CECR2: variants seen among roughly 807,000 people sequenced by gnomAD.
CECR2 encodes the protein CECR2 histone acetyl-lysine reader, also known as chromatin remodeling regulator CECR2.
CECR2 carries 30 observed loss-of-function variants against 154.5 expected under a neutral mutation model. That is an observed-to-expected ratio of 0.19 (90% CI 0.15 to 0.26). The LOEUF (loss-of-function observed/expected upper bound fraction) is 0.26. Among genes scored for constraint, CECR2 ranks in the 10% least tolerant of loss-of-function variants. CECR2 has a pLI of 1.00. For missense variants in CECR2, 1,743 were observed against 1,829.3 expected (o/e 0.95, Z 0.86); for synonymous variants, 725 against 683.7 (o/e 1.06, Z -0.94).
At chr22:17,362,915 A>G (rs1291033655) in intron 1 of CECR2, among the ~76,000 whole-genome samples, 1 of 151,752 alleles carries the variant, frequency 6.6e-6, no homozygotes. Context: ...AAAAAAAAAA[A>G]AAAAAAAGAA....
intron 1 of CECR2, among the ~76,000 whole-genome samples, chr22:17,439,488 A>G (rs964008923): frequency 2.6e-5 from 4 of 152,212 alleles, no homozygotes; most frequent in African/African-American, 9.6e-5. Context: ...CAGTGGAACA[A>G]TGGACAAAGG....
chr22:17,537,299 T>C, intron 10 of CECR2, 67 bp downstream of exon 10: 1 of 1,572,628 alleles, frequency 6.4e-7, no homozygotes, highest in Non-Finnish European at 8.7e-7. Flanking sequence ...TTCAGGCACT[T>C]GCCCCATGTC....
chr22:17,468,499 G>C (rs999820901), intron 1 of CECR2, among the ~76,000 whole-genome samples: 2 of 152,156 alleles, frequency 1.3e-5, no homozygotes, highest in African/African-American at 4.8e-5. Flanking sequence ...GAGCAACATA[G>C]TGAGATCCTG....
chr22:17,448,341 T>G (rs1281033600), intron 1 of CECR2, among the ~76,000 whole-genome samples: 3 of 152,228 alleles, frequency 2.0e-5, no homozygotes, highest in Non-Finnish European at 4.4e-5. Context: ...CTTTGTTGTG[T>G]TATAATTCTT....
chr22:17,518,410 G>C (rs1011440531), intron 8 of CECR2, among the ~76,000 whole-genome samples: 1 of 152,174 alleles, frequency 6.6e-6, no homozygotes, highest in Admixed American at 6.6e-5. Flanking sequence ...TCTTCTCCCT[G>C]TCAAGTAAAA....
chr22:17,545,374 C>CAAAAAAAAAAAAAAAAAAA (rs695493), intron 16 of CECR2, among the ~76,000 whole-genome samples: 14 of 46,440 alleles, frequency 3.0e-4, no homozygotes, highest in African/African-American at 5.4e-4. Context: ...GACTCCGTCT[C>CAAAAAAAAAAAAAAAAAAA]AAAAAAAAAA....
chr22:17,383,767 C>T (rs1284628998), intron 1 of CECR2, among the ~76,000 whole-genome samples: 1 of 148,736 alleles, frequency 6.7e-6, no homozygotes, highest in East Asian at 2.0e-4. Context: ...TGGGTTCAAG[C>T]AATTCTCCTC....
At chr22:17,391,062 C>T (rs978626959) in intron 1 of CECR2, among the ~76,000 whole-genome samples, 5 of 152,176 alleles carry the variant, frequency 3.3e-5, no homozygotes, top group African/African-American at 1.2e-4. Context: ...GAAAGTAAGT[C>T]GACTGTGTCA....
At chr22:17,511,951 C>T (rs2055964932) in intron 8 of CECR2, 55 bp downstream of exon 8, 1 of 1,322,992 alleles carries the variant, frequency 7.6e-7, no homozygotes, top group Non-Finnish European at 1.1e-6. Flanking sequence ...GAGACGGATC[C>T]TTTTCATGTA....
intron 9 of CECR2, among the ~76,000 whole-genome samples, chr22:17,533,235 G>A (rs1457401646): frequency 2.0e-5 from 3 of 151,084 alleles, no homozygotes; most frequent in South Asian, 4.2e-4. Context: ...CATGAGAATC[G>A]CTTGTACCCA....
At chr22:17,422,704 G>T (rs2054274751) in intron 1 of CECR2, among the ~76,000 whole-genome samples, 1 of 150,146 alleles carries the variant, frequency 6.7e-6, no homozygotes. Flanking sequence ...CTGTTTTTTT[G>T]GTCTTTTTTT....
chr22:17,378,652 A>G (rs1220498144), intron 1 of CECR2, among the ~76,000 whole-genome samples: 1 of 152,184 alleles, frequency 6.6e-6, no homozygotes, highest in African/African-American at 2.4e-5. Context: ...ACCCCCAGTC[A>G]TGACAAATAT....
intron 2 of CECR2, among the ~76,000 whole-genome samples, chr22:17,494,653 G>A (rs1397841600): frequency 6.6e-6 from 1 of 152,174 alleles, no homozygotes; most frequent in Non-Finnish European, 1.5e-5. Flanking sequence ...AAGAGTAGGG[G>A]AAAGATGTTT....
In CECR2 at chr22:17,548,722, G is replaced by T; in HGVS notation, c.3435G>T (p.Val1145=). 1 of 1,613,650 alleles carries T rather than the reference G, an allele frequency of 6.2e-7. No individual in the cohort carries two copies. The highest frequency in any genetic ancestry group is 1.3e-5 in the African/African-American group (1 of 75,018). Residue 1145 remains valine, a synonymous_variant, in exon 17 of 19, where the codon GTG becomes GTT. Transcript: ENST00000262608. ...ISPGLQGVGP[V]MGGKSPASHP... ...CAGGCCTGCAGGGTGTGGGCCCTGTGATGGGAGGGAAGTCCCCAGCATCCC... is the reference window on the plus strand; with the variant it reads ...CAGGCCTGCAGGGTGTGGGCCCTGTTATGGGAGGGAAGTCCCCAGCATCCC...
At chr22:17,512,555 T>C (rs2055976066) in intron 8 of CECR2, among the ~76,000 whole-genome samples, 3 of 151,532 alleles carry the variant, frequency 2.0e-5, no homozygotes, top group Non-Finnish European at 4.4e-5. Context: ...ATACAAAAAT[T>C]AGCTGGGTGT....
At position 17,425,930 on chromosome 22, in the gene CECR2, G is replaced by A. The variant is rs140132354; in HGVS notation, c.127-51658G>A. Among the ~76,000 whole-genome samples, 54 of 152,290 alleles carry A rather than the reference G, an allele frequency of 3.5e-4. 1 individual carries two copies. In the East Asian group the frequency reaches 9.3e-3, roughly 26 times the overall value. Reference sequence around the variant, plus strand: ...TTCAAAATGGGACTGTGGGAAAGGCGTCTGTGCTCCTTCCCAGAATTCTGC... The same window carrying A: ...TTCAAAATGGGACTGTGGGAAAGGCATCTGTGCTCCTTCCCAGAATTCTGC... On this transcript the variant is annotated intron_variant, in intron 1 of 18. Coordinates refer to ENST00000262608, the MANE Select transcript of CECR2 (RefSeq NM_001290047.2).
At chr22:17,516,841 G>T (rs1460698201) in intron 8 of CECR2, among the ~76,000 whole-genome samples, 1 of 151,398 alleles carries the variant, frequency 6.6e-6, no homozygotes, top group African/African-American at 2.4e-5. Flanking sequence ...TGAAATGCCC[G>T]CCTCGTCCTC....
upstream of CECR2, among the ~76,000 whole-genome samples, chr22:17,366,082 G>C (rs1166053400): frequency 6.6e-6 from 1 of 152,196 alleles, no homozygotes; most frequent in African/African-American, 2.4e-5. Flanking sequence ...CAGAGAATAT[G>C]AAAGAATTAC....
At chr22:17,502,686 C>A (rs147445285) in intron 5 of CECR2, among the ~76,000 whole-genome samples, 136 of 152,134 alleles carry the variant, frequency 8.9e-4, no homozygotes, top group African/African-American at 3.1e-3. Flanking sequence ...GCCTATAGTC[C>A]CAGCTACTCA....
Sources: allele counts gnomAD v4.1 joint callset (sites outside exome capture counted in the v4.1 genomes callset), GRCh38; gene constraint gnomAD v4.1.1; transcripts MANE v1.5; gene names NCBI Gene and HGNC (gene_info 2026-07-23, HGNC 2026-07-21).